Variants in UMODL1 observed in about 807,000 individuals in gnomAD.
UMODL1 encodes uromodulin like 1.
Under a neutral mutation model 136.3 loss-of-function variants are expected in UMODL1, and 128 were observed. The observed-to-expected ratio is 0.94, with a 90% CI of 0.81 to 1.09. The LOEUF is 1.09. UMODL1 is among the 50% of genes least tolerant of loss of function. The probability of loss-of-function intolerance (pLI) is 0.00; values close to 1 mark genes in which losing one functional copy is unlikely to be tolerated. For synonymous variants in UMODL1, 721 were observed against 720.0 expected, an observed-to-expected ratio of 1.00 and a Z score of -0.02; for missense variants, 1,766 against 1,725.6, an observed-to-expected ratio of 1.02 and a Z score of -0.41.
intron 2 of UMODL1, 64 bp downstream of exon 2, chr21:42,076,311 G>T: frequency 6.3e-7 from 1 of 1,598,480 alleles, no homozygotes. Context: ...TGATGGGACA[G>T]TCACCGTTGG....
chr21:42,110,676 C>T (rs1028295710), intron 10 of UMODL1, among the ~76,000 whole-genome samples: 5 of 152,168 alleles, frequency 3.3e-5, no homozygotes, highest in African/African-American at 1.2e-4. Flanking sequence ...AGTGGAGAGG[C>T]GTGATTTGCC....
At position 42,085,301 on chromosome 21, in the gene UMODL1, G is replaced by A. The variant is rs781572279; in HGVS notation, c.492G>A (p.Arg164=). The stretch of plus-strand genomic sequence containing the variant: ...TTTTCCCTTGTGTAGCTCCAGAGAG[G>A]GACCCTGTGGGCTCCTGGTACAACG... The part of the protein sequence containing the change: ...CMAPAPQAPE[R]DPVGSWYNVT... Residue 164 remains arginine, a synonymous_variant, in exon 4 of 23, where the codon AGG becomes AGA. Transcript: ENST00000408910. The surrounding 1 kb of genome is among the most constrained non-coding windows in gnomAD (Gnocchi z 4.5). The A allele has an allele frequency of 2.4e-5, 39 of 1,613,776 alleles. No individual in the cohort carries two copies. The South Asian group carries it at 3.8e-4, about 16-fold the overall frequency.
chr21:42,072,719 C>G (rs762233403), intron 1 of UMODL1, among the ~76,000 whole-genome samples: 3 of 152,238 alleles, frequency 2.0e-5, no homozygotes, highest in Non-Finnish European at 4.4e-5. Flanking sequence ...ATGACATGGG[C>G]GCAATCATGC....
At chr21:42,136,575 C>T (rs547609051) in intron 21 of UMODL1, among the ~76,000 whole-genome samples, 83 of 152,302 alleles carry the variant, frequency 5.4e-4, no homozygotes, top group African/African-American at 1.9e-3. Flanking sequence ...TTCCATTGCA[C>T]GGTGGGGCCA....
intron 22 of UMODL1, among the ~76,000 whole-genome samples, chr21:42,140,940 C>T (rs894070266): frequency 5.3e-5 from 8 of 152,100 alleles, no homozygotes; most frequent in African/African-American, 1.7e-4. Flanking sequence ...CCATGAAGAC[C>T]CCCTCCTCAC....
At chr21:42,139,455 G>A (rs936562385) in intron 22 of UMODL1, among the ~76,000 whole-genome samples, 13 of 152,146 alleles carry the variant, frequency 8.5e-5, no homozygotes, top group African/African-American at 2.7e-4. Context: ...TGAAGGATCC[G>A]CCCCATGATC....
At position 42,122,450 on chromosome 21, in the gene UMODL1, A is replaced by T. The variant is rs2146528095; in HGVS notation, c.2828-381A>T. Among the ~76,000 whole-genome samples the T allele has an allele frequency of 6.6e-6, 1 of 152,284 alleles. No individual in the cohort carries two copies. Among genetic ancestry groups the T allele is most frequent in the Admixed American group, 6.5e-5 (1 of 15,302 alleles). On this transcript the variant is annotated intron_variant, in intron 16 of 22. Transcript: ENST00000408910. The surrounding 1 kb of genome is among the most constrained non-coding windows in gnomAD (Gnocchi z 4.3). ...CACCCTGTATCCACTGGCTTGGCAC[A>T]TCCCCGGCATCAGGTCCCTCGGTCC...
chr21:42,100,318 A>T (rs1468789293), intron 7 of UMODL1, among the ~76,000 whole-genome samples: 2 of 152,160 alleles, frequency 1.3e-5, no homozygotes, highest in Non-Finnish European at 2.9e-5. Flanking sequence ...TTTCTCACTC[A>T]CAGGGGTTAA....
chr21:42,129,848 C>A, intron 21 of UMODL1, 51 bp downstream of exon 21: 2 of 1,346,010 alleles, frequency 1.5e-6, no homozygotes, highest in South Asian at 1.4e-5. Flanking sequence ...CAACCGATTC[C>A]TTTTCACCAG....
chr21:42,127,714 C>G lies in UMODL1; in HGVS notation c.3573C>G (p.Gly1191=), dbSNP rs2067079470. ...CATACACCAACGTGATTGAGAACGG[C>G]AACTCCAATAAGGCCCAGTTCAAGC... ...PNTYTNVIEN[G]NSNKAQFKLR... Residue 1191 remains glycine (G), a synonymous_variant, in exon 20 of 23, where the codon GGC becomes GGG. Coordinates refer to ENST00000408910, the MANE Select transcript of UMODL1 (RefSeq NM_001004416.3). 3 of 1,614,094 alleles carry G rather than the reference C, an allele frequency of 1.9e-6. No homozygotes were observed. The highest frequency in any genetic ancestry group is 8.5e-7 in the Non-Finnish European group (1 of 1,180,038).
rs1470718710 is a variant in UMODL1, at chr21:42,104,584, GGATTAT to G, written c.1519+498_1519+503del. 5.1e-4 allele frequency among the ~76,000 whole-genome samples: 78 copies of G among 152,100 alleles called. 1 individual carries two copies. The highest frequency in any genetic ancestry group is 1.8e-3 in the African/African-American group (73 of 41,488). ...CCTGCCTCAGCTTCTCCAGTAGCTG[GGATTAT>G]AGGCGCCTGCCACCACGCCTGGCTA... On this transcript the variant is annotated intron_variant, in intron 9 of 22. Coordinates refer to ENST00000408910, the MANE Select transcript of UMODL1 (RefSeq NM_001004416.3).
At chr21:42,134,165 C>A (rs1487041720) in intron 21 of UMODL1, among the ~76,000 whole-genome samples, 2 of 152,218 alleles carry the variant, frequency 1.3e-5, no homozygotes, top group Non-Finnish European at 1.5e-5. Context: ...ATGATCTACC[C>A]ACCTCAGCCT....
At chr21:42,132,091 T>A (rs1420877910) in intron 21 of UMODL1, among the ~76,000 whole-genome samples, 1 of 152,170 alleles carries the variant, frequency 6.6e-6, no homozygotes, top group Non-Finnish European at 1.5e-5. Flanking sequence ...GCTGTATGGT[T>A]CATCCATCAT....
Position 42,127,741 on chromosome 21 carries a change from G to C in UMODL1, c.3600G>C (p.Leu1200=). 6.2e-7 allele frequency: 1 copy of C among 1,614,176 alleles called. No homozygotes were observed. The highest frequency in any genetic ancestry group is 8.5e-7 in the Non-Finnish European group (1 of 1,180,040). The change falls in exon 20 of 23, where the codon CTG becomes CTC. Residue 1200 remains leucine, a synonymous_variant. Coordinates refer to ENST00000408910, the MANE Select transcript of UMODL1 (RefSeq NM_001004416.3). ...ACTCCAATAAGGCCCAGTTCAAGCTGAGGATCTTTTCCTTTATCAACGACT... is the reference window on the plus strand; with the variant it reads ...ACTCCAATAAGGCCCAGTTCAAGCTCAGGATCTTTTCCTTTATCAACGACT... The part of the protein sequence containing the change: ...NGNSNKAQFK[L]RIFSFINDSI...
chr21:42,097,515 TTTTTTG>T (rs2146465529), intron 6 of UMODL1, among the ~76,000 whole-genome samples: 1 of 152,286 alleles, frequency 6.6e-6, no homozygotes, highest in East Asian at 1.9e-4. Context: ...GTGTTGGGTT[TTTTTTG>T]TTTTTGTTTT....
intron 9 of UMODL1, among the ~76,000 whole-genome samples, chr21:42,106,562 G>T (rs1176135778): frequency 1.3e-5 from 2 of 152,106 alleles, no homozygotes; most frequent in Non-Finnish European, 2.9e-5. Flanking sequence ...CGTCCATCCC[G>T]GGGCCTGGGG....
rs532080528 is a variant in UMODL1 at position 42,118,930 on chromosome 21, C to T, written c.2476-181C>T. Among the ~76,000 whole-genome samples the T allele has an allele frequency of 1.5e-4, 23 of 152,362 alleles. No individual in the cohort carries two copies. The Middle Eastern group carries it at 0.01, about 68-fold the overall frequency. Reference sequence around the variant, plus strand: ...TTCTCATATCACAGACACTCCCAGGCGTTTGTGCTGGGCTTGAAAACACAG... The same window carrying T: ...TTCTCATATCACAGACACTCCCAGGTGTTTGTGCTGGGCTTGAAAACACAG... On this transcript the variant is annotated intron_variant, in intron 14 of 22. Coordinates refer to ENST00000408910, the MANE Select transcript of UMODL1 (RefSeq NM_001004416.3).
At chr21:42,139,621 A>G (rs372252206) in intron 22 of UMODL1, among the ~76,000 whole-genome samples, 291 of 152,308 alleles carry the variant, frequency 1.9e-3, no homozygotes, top group Middle Eastern at 3.4e-3. Context: ...CGATGTTTTA[A>G]TTTCAAGGAG....
At position 42,099,301 on chromosome 21, in the gene UMODL1, C is replaced by T; in HGVS notation, c.1186+121C>T. On this transcript the variant is annotated intron_variant, in intron 7 of 22. Coordinates refer to ENST00000408910, the MANE Select transcript of UMODL1 (RefSeq NM_001004416.3). This position sits in a 1 kb window ranked among gnomAD's most constrained non-coding sequence, Gnocchi z 4.1. ...CAGGGCACCAGAAGTCACTGACCGC[C>T]CTGCACTTCCTCCCTCCCCTCCCAG... is the stretch of plus-strand genomic sequence containing the variant. The T allele has an allele frequency of 7.3e-7, 1 of 1,372,612 alleles. No individual in the cohort carries two copies. Among genetic ancestry groups the T allele is most frequent in the South Asian group, 1.5e-5 (1 of 67,926 alleles). The allele number at this position is 1,372,612 out of a possible 1,614,324, so 85.0% of individuals were successfully genotyped here.
Sources: allele counts gnomAD v4.1 joint callset (sites outside exome capture counted in the v4.1 genomes callset), GRCh38; gene constraint gnomAD v4.1.1; non-coding constraint Gnocchi (gnomAD v3.1); transcripts MANE v1.5; gene names NCBI Gene and HGNC (gene_info 2026-07-23, HGNC 2026-07-21).